ANKRD30B: variants seen among roughly 807,000 people sequenced by gnomAD.
ANKRD30B encodes the protein ankyrin repeat domain 30B, also known as ankyrin repeat domain-containing protein 30B.
A neutral mutation model predicts 202.2 loss-of-function variants in ANKRD30B; 144 were observed. That is an observed-to-expected ratio of 0.71 (90% CI 0.62 to 0.82). The LOEUF is 0.82. ANKRD30B is among the 40% of genes least tolerant of loss of function. ANKRD30B has a pLI of 0.00. For synonymous variants in ANKRD30B, 508 were observed against 561.3 expected (o/e 0.91, Z 1.34); for missense variants, 1,487 against 1,669.1 (o/e 0.89, Z 1.90).
chr18:14,771,398 T>C (rs1162106286), intron 8 of ANKRD30B, among the ~76,000 whole-genome samples: 1 of 152,184 alleles, frequency 6.6e-6, no homozygotes, highest in Non-Finnish European at 1.5e-5. Context: ...TGGGTATAAG[T>C]ACCTATGAAG....
chr18:14,776,462 A>G (rs1967357359), intron 9 of ANKRD30B, among the ~76,000 whole-genome samples: 2 of 152,224 alleles, frequency 1.3e-5, no homozygotes, highest in Admixed American at 6.5e-5. Flanking sequence ...TTAATCTCCC[A>G]TCTCAAAGAT....
At chr18:14,810,761 C>A (rs1351151167) in intron 28 of ANKRD30B, among the ~76,000 whole-genome samples, 1 of 150,892 alleles carries the variant, frequency 6.6e-6, no homozygotes, top group Non-Finnish European at 1.5e-5. Context: ...TAATTAATTG[C>A]CTAGAGGTAC....
At chr18:14,770,653 C>A (rs754344302) in intron 8 of ANKRD30B, among the ~76,000 whole-genome samples, 21 of 152,080 alleles carry the variant, frequency 1.4e-4, no homozygotes, top group Non-Finnish European at 2.5e-4. Flanking sequence ...GATTTTATGA[C>A]AAGTTTGATT....
the ANKRD30B span, among the ~76,000 whole-genome samples, chr18:14,871,044 C>A: frequency 8.3e-6 from 1 of 120,116 alleles, no homozygotes; most frequent in East Asian, 2.5e-4. Context: ...CACACCCCCA[C>A]CCACACACCC....
intron 33 of ANKRD30B, among the ~76,000 whole-genome samples, chr18:14,831,159 G>A (rs1307176000): frequency 3.4e-5 from 4 of 118,524 alleles, no homozygotes; most frequent in East Asian, 5.3e-4. Flanking sequence ...CAGTCTGGGC[G>A]ACAGAGCGAG....
the ANKRD30B span, among the ~76,000 whole-genome samples, chr18:14,900,086 G>T: frequency 3.3e-5 from 5 of 152,170 alleles, no homozygotes; most frequent in South Asian, 2.1e-4. Flanking sequence ...GTTGAAAAAA[G>T]ATTACAGTAT....
At chr18:14,849,299 A>C (rs1289904583) in intron 40 of ANKRD30B, among the ~76,000 whole-genome samples, 4 of 151,762 alleles carry the variant, frequency 2.6e-5, no homozygotes, top group Non-Finnish European at 5.9e-5. Context: ...TCAATATAGA[A>C]ATATTTAGTT....
chr18:14,837,142 A>C (rs1421720821), intron 34 of ANKRD30B, 69 bp from the exon 35 acceptor site: 2 of 912,140 alleles, frequency 2.2e-6, no homozygotes, highest in Non-Finnish European at 3.4e-6. Context: ...TGATTGAGTG[A>C]GTGAATAAAT....
the ANKRD30B span, among the ~76,000 whole-genome samples, chr18:14,901,290 A>G: frequency 6.6e-6 from 1 of 152,380 alleles, no homozygotes. Context: ...TTTTACAAGA[A>G]AATTCATGAA....
At chr18:14,922,344 G>A in the ANKRD30B span, among the ~76,000 whole-genome samples, 1 of 152,108 alleles carries the variant, frequency 6.6e-6, no homozygotes, top group East Asian at 1.9e-4. Context: ...GTGCTCTGGG[G>A]CACTACATAA....
At chr18:14,796,163 C>G in intron 16 of ANKRD30B, 58 bp from the exon 17 acceptor site, 1 of 1,472,642 alleles carries the variant, frequency 6.8e-7, no homozygotes, top group South Asian at 1.1e-5. Context: ...TGTACGAATG[C>G]TTGGTAGGCT....
chr18:14,800,669 A>G (rs1969254942), intron 22 of ANKRD30B, among the ~76,000 whole-genome samples: 2 of 139,584 alleles, frequency 1.4e-5, no homozygotes, highest in Admixed American at 1.4e-4. Context: ...GAAGTAACCA[A>G]TATTCTAAAC....
intron 20 of ANKRD30B, 142 bp from the exon 21 acceptor site, chr18:14,798,959 C>A (rs1969121057): frequency 1.1e-6 from 1 of 911,278 alleles, no homozygotes. Context: ...AATACAATAA[C>A]CCAAAAGACC....
intron 24 of ANKRD30B, among the ~76,000 whole-genome samples, chr18:14,805,320 T>C (rs1407547950): frequency 1.3e-5 from 2 of 151,022 alleles, no homozygotes; most frequent in East Asian, 3.9e-4. Context: ...GAAAATTTTG[T>C]TAATATTTAA....
At chr18:14,908,612 C>G in the ANKRD30B span, among the ~76,000 whole-genome samples, 1 of 152,184 alleles carries the variant, frequency 6.6e-6, no homozygotes, top group Non-Finnish European at 1.5e-5. Flanking sequence ...GCTTTACTTT[C>G]TAATCTGTGA....
At chr18:14,920,166 C>G in the ANKRD30B span, among the ~76,000 whole-genome samples, 2 of 152,232 alleles carry the variant, frequency 1.3e-5, no homozygotes, top group South Asian at 4.1e-4. Flanking sequence ...TTCCAGGACC[C>G]TCCTTGTTCA....
the ANKRD30B span, among the ~76,000 whole-genome samples, chr18:14,921,161 T>A: frequency 6.6e-6 from 1 of 151,842 alleles, no homozygotes; most frequent in Non-Finnish European, 1.5e-5. Context: ...ATGAGGGACG[T>A]GTTTAGATAC....
At chr18:14,776,699 T>C (rs950455073) in intron 9 of ANKRD30B, among the ~76,000 whole-genome samples, 2 of 152,248 alleles carry the variant, frequency 1.3e-5, no homozygotes, top group African/African-American at 4.8e-5. Flanking sequence ...ATTTTTCTCT[T>C]TTTATGAAGG....
At chr18:14,796,864 A>G (rs1303695811) in intron 18 of ANKRD30B, among the ~76,000 whole-genome samples, 3 of 152,074 alleles carry the variant, frequency 2.0e-5, no homozygotes, top group Non-Finnish European at 4.4e-5. Flanking sequence ...ATGAGGTGAG[A>G]TGGTCCCATG....
Sources: allele counts gnomAD v4.1 joint callset (sites outside exome capture counted in the v4.1 genomes callset), GRCh38; gene constraint gnomAD v4.1.1; transcripts MANE v1.5; gene names NCBI Gene and HGNC (gene_info 2026-07-23, HGNC 2026-07-21).